The following CRPPA variants were observed in gnomAD, a reference collection of about 807,000 sequenced individuals.
CRPPA encodes the protein CDP-L-ribitol pyrophosphorylase A, also known as D-ribitol-5-phosphate cytidylyltransferase.
Under a neutral mutation model 52.0 loss-of-function variants are expected in CRPPA, and 43 were observed. The ratio of observed to expected loss-of-function variants is 0.83; its 90% confidence interval spans 0.65 to 1.07. CRPPA has a LOEUF of 1.07. Among genes scored for constraint, CRPPA ranks in the 50% least tolerant of loss-of-function variants. The pLI, the probability that CRPPA is intolerant of heterozygous loss-of-function variation, is 0.00. For missense variants in CRPPA, 629 were observed against 551.7 expected (o/e 1.14, Z -1.40); for synonymous variants, 250 against 203.5 (o/e 1.23, Z -1.94).
At chr7:16,342,617 T>C (rs576803481) in intron 3 of CRPPA, among the ~76,000 whole-genome samples, 1 of 151,066 alleles carries the variant, frequency 6.6e-6, no homozygotes, top group African/African-American at 2.4e-5. Flanking sequence ...TAAATGAGAA[T>C]TAAAAACATG....
rs574239843 is a variant in CRPPA, at chr7:16,115,003, T to C, written c.1252-23204A>G. On this transcript the variant is annotated intron_variant, in intron 9 of 9. Coordinates refer to ENST00000407010, the MANE Select transcript of CRPPA (RefSeq NM_001101426.4). ...GACTAAGGTAACACTCCAAACTGAA[T>C]AGCCTTTGACTATCTGACTTTCAAA... 2.0e-5 allele frequency among the ~76,000 whole-genome samples: 3 copies of C among 152,178 alleles called. No individual in the cohort carries two copies. The East Asian group carries it at 5.8e-4, about 29-fold the overall frequency.
chr7:16,273,047 G>A (rs1447347418), intron 6 of CRPPA, among the ~76,000 whole-genome samples: 1 of 151,312 alleles, frequency 6.6e-6, no homozygotes, highest in Non-Finnish European at 1.5e-5. Context: ...CATGTGCCAT[G>A]CTGGGGTGCT....
intron 9 of CRPPA, among the ~76,000 whole-genome samples, chr7:16,212,117 T>C (rs1782164202): frequency 6.6e-6 from 1 of 152,130 alleles, no homozygotes; most frequent in South Asian, 2.1e-4. Flanking sequence ...GTATGTCTCC[T>C]AGATCTGCAG....
intron 9 of CRPPA, among the ~76,000 whole-genome samples, chr7:16,157,245 T>C (rs1238080010): frequency 6.6e-6 from 1 of 151,814 alleles, no homozygotes; most frequent in Admixed American, 6.6e-5. Flanking sequence ...ATTGCTATTC[T>C]GATTTGGAAG....
At chr7:16,227,480 T>C (rs1782682024) in intron 8 of CRPPA, among the ~76,000 whole-genome samples, 1 of 151,946 alleles carries the variant, frequency 6.6e-6, no homozygotes, top group South Asian at 2.1e-4. Context: ...ACTTCCCTGA[T>C]GATTAGTGAT....
intron 3 of CRPPA, among the ~76,000 whole-genome samples, chr7:16,319,901 C>T (rs1202734282): frequency 6.6e-6 from 1 of 152,124 alleles, no homozygotes; most frequent in African/African-American, 2.4e-5. Context: ...TCAGCCAACC[C>T]TCCTTATTTT....
intron 9 of CRPPA, among the ~76,000 whole-genome samples, chr7:16,138,935 G>A (rs921173863): frequency 6.6e-6 from 1 of 152,072 alleles, no homozygotes; most frequent in Non-Finnish European, 1.5e-5. Flanking sequence ...CTGAGTAGCT[G>A]GGATTACAGG....
At chr7:16,137,441 T>C (rs1002469869) in intron 9 of CRPPA, among the ~76,000 whole-genome samples, 1 of 152,214 alleles carries the variant, frequency 6.6e-6, no homozygotes, top group Non-Finnish European at 1.5e-5. Context: ...AGGAAAATAT[T>C]TTATCTTTAT....
At chr7:16,136,608 A>G (rs149087011) in intron 9 of CRPPA, among the ~76,000 whole-genome samples, 1 of 150,978 alleles carries the variant, frequency 6.6e-6, no homozygotes, top group Non-Finnish European at 1.5e-5. Flanking sequence ...ATTGCTAAAT[A>G]TCACACATTC....
rs993578919 is a variant in CRPPA, at chr7:16,383,059, A to G, written c.535-6818T>C. On this transcript the variant is annotated intron_variant, in intron 2 of 9. Coordinates refer to ENST00000407010, the MANE Select transcript of CRPPA (RefSeq NM_001101426.4). ...AGGAACTGCGTTCCTTTGGAGGAGG[A>G]GAAGTGCTCTGCTTTTTAGAGTTTC... Among the ~76,000 whole-genome samples the G allele has an allele frequency of 1.2e-4, 18 of 152,286 alleles. No homozygotes were observed. The East Asian group carries it at 3.3e-3, about 28-fold the overall frequency.
intron 9 of CRPPA, among the ~76,000 whole-genome samples, chr7:16,104,262 C>G (rs1723440058): frequency 1.3e-5 from 2 of 152,162 alleles, no homozygotes; most frequent in Non-Finnish European, 2.9e-5. Flanking sequence ...AAATCCTAGC[C>G]TGGCAAAGCT....
chr7:16,332,052 A>G (rs528335637), intron 3 of CRPPA, among the ~76,000 whole-genome samples: 27 of 152,312 alleles, frequency 1.8e-4, no homozygotes, highest in African/African-American at 6.0e-4. Flanking sequence ...CAAACTACAG[A>G]AAATCAGAAA....
chr7:16,284,467 C>T (rs887890194), intron 5 of CRPPA, among the ~76,000 whole-genome samples: 2 of 151,976 alleles, frequency 1.3e-5, no homozygotes, highest in African/African-American at 2.4e-5. Context: ...TCAATAAGAA[C>T]ATAAATTGAA....
At chr7:16,332,933 G>A (rs28793604) in intron 3 of CRPPA, among the ~76,000 whole-genome samples, 3,223 of 151,596 alleles carry the variant, frequency 0.021, 108 homozygotes, top group African/African-American at 0.072. Context: ...GTAAATGGAC[G>A]GAAAAAAAAA....
intron 8 of CRPPA, among the ~76,000 whole-genome samples, chr7:16,257,497 C>A (rs576591109): frequency 2.6e-5 from 4 of 152,052 alleles, no homozygotes; most frequent in Non-Finnish European, 4.4e-5. Context: ...GGTATATGAC[C>A]AAATAAAGAG....
At chr7:16,300,714 A>ATT (rs1370846226) in intron 5 of CRPPA, among the ~76,000 whole-genome samples, 1 of 152,166 alleles carries the variant, frequency 6.6e-6, no homozygotes, top group African/African-American at 2.4e-5. Context: ...TTCCAGACTA[A>ATT]AATGCCAATA....
chr7:16,236,950 G>GCACACACACACACGCACACACA (rs1782968996), intron 8 of CRPPA, among the ~76,000 whole-genome samples: 2 of 149,690 alleles, frequency 1.3e-5, no homozygotes, highest in South Asian at 4.3e-4. Context: ...TCGTGCGCGC[G>GCACACACACACACGCACACACA]CACACACACA....
intron 9 of CRPPA, among the ~76,000 whole-genome samples, chr7:16,119,412 A>G (rs1359222794): frequency 1.3e-5 from 2 of 152,300 alleles, no homozygotes; most frequent in Middle Eastern, 3.4e-3. Context: ...AAACACCAAA[A>G]TCCTTAAACA....
intron 3 of CRPPA, among the ~76,000 whole-genome samples, chr7:16,353,873 T>A (rs1583542649): frequency 6.6e-6 from 1 of 151,948 alleles, no homozygotes; most frequent in East Asian, 1.9e-4. Context: ...TAAAAAAGAA[T>A]TTAATTTGTC....
Sources: gnomAD v4.1 joint callset for allele counts (sites outside exome capture counted in the v4.1 genomes callset) on GRCh38, gnomAD v4.1.1 for gene constraint, MANE v1.5 for transcripts, NCBI Gene and HGNC (gene_info 2026-07-23, HGNC 2026-07-21) for gene names.